MLLT1: variants seen among roughly 807,000 people sequenced by gnomAD.
MLLT1 encodes protein ENL.
Under a neutral mutation model 55.1 loss-of-function variants are expected in MLLT1, and 11 were observed. That is an observed-to-expected ratio of 0.20 (90% CI 0.13 to 0.33). The LOEUF (loss-of-function observed/expected upper bound fraction) is 0.33, where lower values mean the gene tolerates loss of function less well. Ranked by LOEUF, MLLT1 falls within the 10% of genes least tolerant of loss-of-function variation. MLLT1 has a pLI of 1.00. For missense variants in MLLT1, 536 were observed against 760.6 expected (o/e 0.70, Z 3.47); for synonymous variants, 323 against 320.1 (o/e 1.01, Z -0.10).
Position 6,276,416 on chromosome 19 carries a change from G to A in MLLT1, c.12+3357C>T, listed in dbSNP as rs542951207. ...CTGGCATCAGAAACAAACTTTCCCC[G>A]CTGAAGAACATCGTTGTGAGGCAGC... is the stretch of plus-strand genomic sequence containing the variant. On this transcript the variant is annotated intron_variant, in intron 1 of 11. Coordinates refer to ENST00000252674, the MANE Select transcript of MLLT1 (RefSeq NM_005934.4). Among the ~76,000 whole-genome samples, 78 of 152,232 alleles carry A rather than the reference G, an allele frequency of 5.1e-4. 1 individual carries two copies. In the South Asian group the frequency reaches 5.4e-3, roughly 11 times the overall value.
At chr19:6,259,750 C>T (rs1257772226) in intron 3 of MLLT1, 1 of 137,398 alleles carries the variant, frequency 7.3e-6, no homozygotes, top group Non-Finnish European at 1.5e-5. Context: ...CCCAGCTACG[C>T]GGCTTCTGCA....
In MLLT1 at chr19:6,256,663, A is replaced by C. The variant is rs2091259277; in HGVS notation, c.276+5565T>G. On this transcript the variant is annotated intron_variant, in intron 3 of 11. Coordinates refer to ENST00000252674, the MANE Select transcript of MLLT1 (RefSeq NM_005934.4). This position sits in a 1 kb window ranked among gnomAD's most constrained non-coding sequence, Gnocchi z 4.1. ...CAGCTACTCGGGAGGCTGAGGCAGG[A>C]GAATGGTGTGAACCCGGGAGGCGGA... Among the ~76,000 whole-genome samples the C allele has an allele frequency of 6.6e-6, 1 of 152,042 alleles. No individual in the cohort carries two copies. Among genetic ancestry groups the C allele is most frequent in the Non-Finnish European group, 1.5e-5 (1 of 68,024 alleles).
At chr19:6,223,606 G>A (rs1469926969) in intron 5 of MLLT1, among the ~76,000 whole-genome samples, 1 of 152,214 alleles carries the variant, frequency 6.6e-6, no homozygotes, top group Non-Finnish European at 1.5e-5. Context: ...AATGGCACAG[G>A]CCAGGCTGGC....
Position 6,227,054 on chromosome 19 carries a change from C to T in MLLT1, c.469G>A (p.Asp157Asn), listed in dbSNP as rs752916418. The T allele has an allele frequency of 8.7e-6, 14 of 1,606,188 alleles. No individual in the cohort carries two copies. The East Asian group carries it at 9.1e-5, about 10-fold the overall frequency. ...GGAATTGTGGGTAACATGGGGTAGT[C>T]GGGACTGGGCCTGGACACCGTGTCT... Reference protein sequence around the residue: ...GADTVSRPSPDYPMLPTIPLS... With the variant: ...GADTVSRPSPNYPMLPTIPLS... The change falls in exon 5 of 12, where the codon GAC becomes AAC. Residue 157 changes from aspartate (D) to asparagine (N), a missense_variant. Asp to Asn is a conservative substitution (Grantham distance 23). Transcript: ENST00000252674. This position sits in a 1 kb window ranked among gnomAD's most constrained non-coding sequence, Gnocchi z 5.1.
intron 3 of MLLT1, among the ~76,000 whole-genome samples, chr19:6,247,579 A>C (rs1457804250): frequency 6.6e-6 from 1 of 152,226 alleles, no homozygotes; most frequent in Non-Finnish European, 1.5e-5. Context: ...TCCTTACTGA[A>C]AAATTCCAGT....
intron 2 of MLLT1, among the ~76,000 whole-genome samples, chr19:6,264,276 C>T (rs1175886143): frequency 7.4e-6 from 1 of 135,996 alleles, no homozygotes; most frequent in Non-Finnish European, 1.6e-5. Context: ...TTTCAGGTTT[C>T]CCTCTGGAGA....
chr19:6,211,539 A>T lies in MLLT1; in HGVS notation c.*1503T>A. The stretch of plus-strand genomic sequence containing the variant: ...GACAGATGGAGCCCCCCAAGTCTGA[A>T]CTCATAGGCTGGGGAGGAGGAGACA... On this transcript the variant is annotated 3_prime_UTR_variant, in exon 12 of 12. Coordinates refer to ENST00000252674, the MANE Select transcript of MLLT1 (RefSeq NM_005934.4). The surrounding 1 kb of genome is among the most constrained non-coding windows in gnomAD (Gnocchi z 4.6). The T allele has an allele frequency of 1.0e-6, 1 of 976,168 alleles. No individual in the cohort carries two copies. The highest frequency in any genetic ancestry group is 1.3e-6 in the Non-Finnish European group (1 of 797,710). 60.5% of individuals were successfully genotyped at this position (976,168 alleles called of 1,614,324 possible). A position where few individuals can be genotyped will look rare whatever the true frequency, so the allele number is the denominator to read the frequency against.
At chr19:6,275,043 G>C (rs1320356820) in intron 1 of MLLT1, among the ~76,000 whole-genome samples, 2 of 152,266 alleles carry the variant, frequency 1.3e-5, no homozygotes, top group Non-Finnish European at 2.9e-5. Context: ...GCCTGGCAAA[G>C]AGCCGCGAGC....
intron 3 of MLLT1, among the ~76,000 whole-genome samples, chr19:6,254,630 G>A (rs1292222477): frequency 6.6e-6 from 1 of 152,166 alleles, no homozygotes; most frequent in Non-Finnish European, 1.5e-5. Context: ...TGTAATGTCT[G>A]GGAAACCCAC....
chr19:6,243,203 C>G (rs1002762105), intron 3 of MLLT1, among the ~76,000 whole-genome samples: 16 of 152,210 alleles, frequency 1.1e-4, no homozygotes, highest in Non-Finnish European at 4.4e-5. Flanking sequence ...GAGAGCCAGT[C>G]CCAGCCCGAG....
At chr19:6,267,824 G>A (rs973062686) in intron 2 of MLLT1, among the ~76,000 whole-genome samples, 1 of 152,204 alleles carries the variant, frequency 6.6e-6, no homozygotes, top group Non-Finnish European at 1.5e-5. Context: ...AAAGAGGGGT[G>A]CAGCAGGGTC....
intron 3 of MLLT1, among the ~76,000 whole-genome samples, chr19:6,242,872 TC>T (rs1485001764): frequency 6.6e-6 from 1 of 152,102 alleles, no homozygotes; most frequent in African/African-American, 2.4e-5. Flanking sequence ...CAGGCCACTG[TC>T]ATCTCAGATG....
chr19:6,274,223 G>A (rs2091415964), intron 1 of MLLT1, among the ~76,000 whole-genome samples: 1 of 152,252 alleles, frequency 6.6e-6, no homozygotes, highest in Non-Finnish European at 1.5e-5. Flanking sequence ...CAGAGTCTCT[G>A]CTGTTGTAGT....
rs2090842083 is a variant in MLLT1 at position 6,216,253 on chromosome 19, G to A, written c.1307+152C>T. ...CCAGGCCCACCCCAAGGCCCAGGCT[G>A]GACTGGGGCCACCTGGGGATGGATC... On this transcript the variant is annotated intron_variant, in intron 8 of 11. Transcript: ENST00000252674. 6 of 632,564 alleles carry A rather than the reference G, an allele frequency of 9.5e-6. No homozygotes were observed. In the South Asian group the frequency reaches 1.1e-4, roughly 12 times the overall value. 39.2% of individuals were successfully genotyped at this position (632,564 alleles called of 1,614,324 possible).
At chr19:6,274,773 C>T (rs751800044) in intron 1 of MLLT1, among the ~76,000 whole-genome samples, 2 of 152,228 alleles carry the variant, frequency 1.3e-5, no homozygotes, top group African/African-American at 2.4e-5. Flanking sequence ...GTCCGTCTCA[C>T]TTCTGGGAAA....
intron 10 of MLLT1, 94 bp from the exon 11 acceptor site, chr19:6,213,502 C>T: frequency 8.3e-7 from 1 of 1,208,418 alleles, no homozygotes; most frequent in Non-Finnish European, 1.2e-6. Context: ...TCCATCCCAG[C>T]ACAGGACAGA....
At position 6,279,179 on chromosome 19, in the gene MLLT1, C is replaced by T. The variant is rs533730184; in HGVS notation, c.12+594G>A. ...GCAGGGTCCCAGGGGGCCGGGGACG[C>T]CTCATATCTGAGCTGAGGTTGAAGG... On this transcript the variant is annotated intron_variant, in intron 1 of 11. Coordinates refer to ENST00000252674, the MANE Select transcript of MLLT1 (RefSeq NM_005934.4). Among the ~76,000 whole-genome samples the T allele has an allele frequency of 9.9e-5, 15 of 152,046 alleles. 1 individual carries two copies. Among genetic ancestry groups the T allele is most frequent in the African/African-American group, 3.4e-4 (14 of 41,466 alleles).
At chr19:6,254,992 AACAACACCCT>A (rs1181158743) in intron 3 of MLLT1, among the ~76,000 whole-genome samples, 1 of 151,796 alleles carries the variant, frequency 6.6e-6, no homozygotes, top group Non-Finnish European at 1.5e-5. Flanking sequence ...AAAAAAAAAA[AACAACACCCT>A]ACTAAAGCTA....
chr19:6,215,082 G>C (rs1263360502), intron 8 of MLLT1, among the ~76,000 whole-genome samples: 2 of 152,188 alleles, frequency 1.3e-5, no homozygotes, highest in African/African-American at 4.8e-5. Context: ...GATGACGGCT[G>C]GGCACCGCTG....
Sources: allele counts gnomAD v4.1 joint callset (sites outside exome capture counted in the v4.1 genomes callset), GRCh38; gene constraint gnomAD v4.1.1; non-coding constraint Gnocchi (gnomAD v3.1); transcripts MANE v1.5; gene names NCBI Gene and HGNC (gene_info 2026-07-23, HGNC 2026-07-21).